Variants in MCF2L observed in about 807,000 individuals in gnomAD.
MCF2L encodes guanine nucleotide exchange factor DBS.
MCF2L carries 97 observed loss-of-function variants against 153.4 expected under a neutral mutation model. That is an observed-to-expected ratio of 0.63 (90% CI 0.54 to 0.75). The LOEUF (loss-of-function observed/expected upper bound fraction) is 0.75. Ranked by LOEUF, MCF2L falls within the 30% of genes least tolerant of loss-of-function variation. MCF2L has a pLI of 0.00. For missense variants in MCF2L, 1,347 were observed against 1,495.2 expected (o/e 0.90, Z 1.64); for synonymous variants, 659 against 632.2 (o/e 1.04, Z -0.64).
At chr13:113,078,186 C>T (rs1024354711) in intron 13 of MCF2L, among the ~76,000 whole-genome samples, 177 bp from the exon 14 acceptor site, 3 of 152,038 alleles carry the variant, frequency 2.0e-5, no homozygotes, top group Non-Finnish European at 4.4e-5. Context: ...CCCCAGAGGC[C>T]AAGTCCTGCC....
In MCF2L at chr13:112,932,331, G is replaced by A. The variant is rs2081472645; in HGVS notation, c.169+29960G>A. 2.0e-5 allele frequency among the ~76,000 whole-genome samples: 3 copies of A among 152,156 alleles called. No individual in the cohort carries two copies. The South Asian group carries it at 6.2e-4, about 32-fold the overall frequency. On this transcript the variant is annotated intron_variant, in intron 2 of 29. Transcript: ENST00000375608. The surrounding 1 kb of genome is among the most constrained non-coding windows in gnomAD (Gnocchi z 4.6). ...GTCAGAGTTCCAACAGAGGCTTCCA[G>A]TATACCTGACCAGTAGCCCTCAAAA...
intron 1 of MCF2L, among the ~76,000 whole-genome samples, chr13:112,975,802 G>A (rs898319511): frequency 1.3e-5 from 2 of 152,186 alleles, no homozygotes; most frequent in Admixed American, 1.3e-4. Flanking sequence ...ACCTCGTTGC[G>A]GTCGCACGGT....
chr13:112,900,020 A>G (rs2140491226), intron 1 of MCF2L, among the ~76,000 whole-genome samples: 1 of 152,190 alleles, frequency 6.6e-6, no homozygotes. Context: ...CAGCTTGGGG[A>G]CGCGATTGCA....
At chr13:113,095,236 C>T (rs2035548813) in intron 27 of MCF2L, 1 of 1,214,024 alleles carries the variant, frequency 8.2e-7, no homozygotes, top group Non-Finnish European at 1.1e-6. Flanking sequence ...GCTGCACCTT[C>T]TGTGCTGTGC....
intron 1 of MCF2L, among the ~76,000 whole-genome samples, chr13:112,981,470 G>A (rs1011126528): frequency 4.6e-5 from 7 of 152,342 alleles, no homozygotes; most frequent in Non-Finnish European, 7.3e-5. Context: ...GCCACGTCCT[G>A]CCCTTGGCTG....
intron 3 of MCF2L, chr13:113,044,825 C>A (rs2086707052): frequency 1.9e-6 from 3 of 1,612,936 alleles, no homozygotes; most frequent in Non-Finnish European, 2.5e-6. Context: ...CGTAGCCATG[C>A]CACCACGAGT....
At chr13:112,917,620 C>T (rs2081308193) in intron 2 of MCF2L, 1 of 186,444 alleles carries the variant, frequency 5.4e-6, no homozygotes, top group Admixed American at 5.4e-5. Context: ...CTTCCTTCCT[C>T]CCTCTGGGTG....
chr13:113,082,735 G>A (rs973666707), intron 17 of MCF2L, among the ~76,000 whole-genome samples, 193 bp downstream of exon 17: 3 of 152,208 alleles, frequency 2.0e-5, no homozygotes, highest in African/African-American at 7.2e-5. Flanking sequence ...ACGTGGCACC[G>A]TACCTGGTGG....
chr13:112,900,787 G>A (rs1356670273), intron 1 of MCF2L, among the ~76,000 whole-genome samples: 3 of 152,134 alleles, frequency 2.0e-5, no homozygotes, highest in Non-Finnish European at 2.9e-5. Flanking sequence ...ATGTGGTGGG[G>A]CAGTGGTTCT....
chr13:113,055,673 G>A (rs1205997200), intron 4 of MCF2L, among the ~76,000 whole-genome samples: 8 of 152,158 alleles, frequency 5.3e-5, no homozygotes, highest in Non-Finnish European at 1.0e-4. Context: ...CTTGCTTCTC[G>A]AAGGAGGACT....
intron 2 of MCF2L, among the ~76,000 whole-genome samples, chr13:112,921,592 C>A (rs1232349888): frequency 6.6e-6 from 1 of 152,208 alleles, no homozygotes; most frequent in Non-Finnish European, 1.5e-5. Context: ...GCGAACACTG[C>A]TGCAAAATAA....
chr13:112,985,235 G>A, intron 1 of MCF2L: 1 of 382,872 alleles, frequency 2.6e-6, no homozygotes, highest in Non-Finnish European at 5.4e-6. Context: ...CTCTGTCCCA[G>A]GTAGTGGGTG....
upstream of MCF2L, chr13:112,968,426 C>T (rs904326882): frequency 1.9e-6 from 3 of 1,577,294 alleles, no homozygotes; most frequent in Non-Finnish European, 2.6e-6. Context: ...AGCCAGGACG[C>T]TGCGTGTGTC....
chr13:113,065,164 T>G, intron 7 of MCF2L, 79 bp downstream of exon 7: 4 of 1,514,264 alleles, frequency 2.6e-6, no homozygotes, highest in Middle Eastern at 1.7e-4. Context: ...GGTCGGAAGC[T>G]GCGGGGGGTC....
At chr13:112,900,596 G>A (rs72660087) in intron 1 of MCF2L, among the ~76,000 whole-genome samples, 2 of 152,148 alleles carry the variant, frequency 1.3e-5, no homozygotes, top group Admixed American at 6.5e-5. Flanking sequence ...GTGTGTTTGT[G>A]GGGTGGGAGT....
In MCF2L at chr13:112,943,819, G is replaced by A. The variant is rs1347702152; in HGVS notation, c.169+41448G>A. On this transcript the variant is annotated intron_variant, in intron 2 of 29. Coordinates refer to the MCF2L transcript ENST00000375608. This position sits in a 1 kb window ranked among gnomAD's most constrained non-coding sequence, Gnocchi z 4.2. Reference sequence around the variant, plus strand: ...CAGGCGGACCGGAAGGACCTGGCGGGAGGCGTAGTAGGCGGGGTGAGGGGA... The same window carrying A: ...CAGGCGGACCGGAAGGACCTGGCGGAAGGCGTAGTAGGCGGGGTGAGGGGA... Among the ~76,000 whole-genome samples the A allele has an allele frequency of 2.6e-5, 4 of 152,126 alleles. No homozygotes were observed. Among genetic ancestry groups the A allele is most frequent in the Non-Finnish European group, 1.5e-5 (1 of 68,002 alleles).
At chr13:112,957,666 T>C (rs1245353209) in intron 2 of MCF2L, 3 of 152,054 alleles carry the variant, frequency 2.0e-5, no homozygotes, top group Non-Finnish European at 4.4e-5. Flanking sequence ...ATGTATTACA[T>C]ACTTTTCTGT....
At chr13:112,922,803 C>G (rs2081365719) in intron 2 of MCF2L, among the ~76,000 whole-genome samples, 1 of 152,202 alleles carries the variant, frequency 6.6e-6, no homozygotes, top group Non-Finnish European at 1.5e-5. Context: ...CCACTGCACT[C>G]CAGCGTGGGC....
Position 113,046,686 on chromosome 13 carries a change from C to T in MCF2L, c.369+1325C>T, listed in dbSNP as rs997730111. 5.6e-6 allele frequency: 3 copies of T among 531,898 alleles called. No homozygotes were observed. The highest frequency in any genetic ancestry group is 1.2e-5 in the Non-Finnish European group (3 of 259,298). The allele number at this position is 531,898 out of a possible 1,614,324, so 32.9% of individuals were successfully genotyped here. A position where few individuals can be genotyped will look rare whatever the true frequency, so the allele number is the denominator to read the frequency against. On this transcript the variant is annotated intron_variant, in intron 4 of 29. Coordinates refer to ENST00000535094, the MANE Select transcript of MCF2L (RefSeq NM_001112732.3). This position sits in a 1 kb window ranked among gnomAD's most constrained non-coding sequence, Gnocchi z 4.4. ...CTGAGCCGCTGGTTCTCATCGAAGT[C>T]TTTAGGATGAGGCATCTCCTTGCAC...
Sources: gnomAD v4.1 joint callset for allele counts (sites outside exome capture counted in the v4.1 genomes callset) on GRCh38, gnomAD v4.1.1 for gene constraint, Gnocchi (gnomAD v3.1) non-coding constraint, MANE v1.5 for transcripts, NCBI Gene and HGNC (gene_info 2026-07-23, HGNC 2026-07-21) for gene names.